The following CORO1C variants were observed in gnomAD, a reference collection of about 807,000 sequenced individuals.
CORO1C encodes the protein coronin-1C.
CORO1C carries 14 observed loss-of-function variants against 51.2 expected under a neutral mutation model. The ratio of observed to expected loss-of-function variants is 0.27; its 90% CI spans 0.18 to 0.43. The LOEUF (loss-of-function observed/expected upper bound fraction) is 0.43, where lower values mean the gene tolerates loss of function less well. Ranked by LOEUF, CORO1C falls within the 20% of genes least tolerant of loss-of-function variation. CORO1C has a pLI of 1.00. For missense variants in CORO1C, 417 were observed against 607.8 expected, an observed-to-expected ratio of 0.69 and a Z score of 3.30; for synonymous variants, 181 against 210.5, an observed-to-expected ratio of 0.86 and a Z score of 1.21.
chr12:108,664,015 A>T (rs959254537), intron 3 of CORO1C, among the ~76,000 whole-genome samples: 1 of 152,238 alleles, frequency 6.6e-6, no homozygotes, highest in Non-Finnish European at 1.5e-5. Context: ...TCAAAAGGTT[A>T]AGAAACAAAC....
rs377141389 is a variant in CORO1C, at chr12:108,714,157, G to A, written c.-5-12834C>T. 4.1e-4 allele frequency among the ~76,000 whole-genome samples: 63 copies of A among 152,200 alleles called. 1 individual carries two copies. In the East Asian group the frequency reaches 0.011, roughly 28 times the overall value. On this transcript the variant is annotated intron_variant, in intron 1 of 10. Transcript: ENST00000261401. ...TATAATCCCAGCACTTTGGGAGGCCGAGGTGGGCGGATCACGAAGTCAAGG... is the reference window on the plus strand; with the variant it reads ...TATAATCCCAGCACTTTGGGAGGCCAAGGTGGGCGGATCACGAAGTCAAGG...
Position 108,658,417 on chromosome 12 carries a change from T to A in CORO1C, c.630+321A>T, listed in dbSNP as rs2033117387. Among the ~76,000 whole-genome samples the A allele has an allele frequency of 6.6e-6, 1 of 152,142 alleles. No homozygotes were observed. The highest frequency in any genetic ancestry group is 2.4e-5 in the African/African-American group (1 of 41,432). ...GATTCATCAATATTCAATACTAAGCTGCAAAATCAGGAATGCAGCCAATTG... is the reference window on the plus strand; with the variant it reads ...GATTCATCAATATTCAATACTAAGCAGCAAAATCAGGAATGCAGCCAATTG... On this transcript the variant is annotated intron_variant, in intron 5 of 10. Coordinates refer to ENST00000261401, the MANE Select transcript of CORO1C (RefSeq NM_014325.4). This position sits in a 1 kb window ranked among gnomAD's most constrained non-coding sequence, Gnocchi z 4.9.
intron 3 of CORO1C, among the ~76,000 whole-genome samples, chr12:108,671,051 G>A (rs965878761): frequency 6.6e-6 from 1 of 151,944 alleles, no homozygotes; most frequent in African/African-American, 2.4e-5. Context: ...AAAGGTTTAG[G>A]GCCTGGCATG....
intron 8 of CORO1C, chr12:108,649,776 C>A (rs934690144): frequency 1.7e-4 from 26 of 152,240 alleles, no homozygotes; most frequent in African/African-American, 5.6e-4. Flanking sequence ...AAAAAAGTCT[C>A]TAAAGCTCCT....
At chr12:108,689,861 C>G (rs946410165) in intron 2 of CORO1C, among the ~76,000 whole-genome samples, 3 of 152,186 alleles carry the variant, frequency 2.0e-5, no homozygotes, top group Non-Finnish European at 4.4e-5. Flanking sequence ...TTCTTCAACT[C>G]AGCAAGGAGA....
chr12:108,648,483 A>AT, intron 10 of CORO1C, 122 bp downstream of exon 10: 6 of 1,347,426 alleles, frequency 4.5e-6, no homozygotes, highest in Middle Eastern at 5.3e-4. Flanking sequence ...CCACTTTTTC[A>AT]TTTACTGAAA....
At chr12:108,664,190 T>A (rs1266860055) in intron 3 of CORO1C, among the ~76,000 whole-genome samples, 3 of 152,194 alleles carry the variant, frequency 2.0e-5, no homozygotes, top group African/African-American at 7.2e-5. Context: ...AGAAAATGAT[T>A]TTGAGGAACT....
At chr12:108,718,269 C>A (rs2035388295) in intron 1 of CORO1C, among the ~76,000 whole-genome samples, 1 of 151,948 alleles carries the variant, frequency 6.6e-6, no homozygotes, top group South Asian at 2.1e-4. Context: ...AGGAGAATGG[C>A]ATGAACCCAG....
At chr12:108,695,301 A>T (rs1012774959) in intron 2 of CORO1C, among the ~76,000 whole-genome samples, 1 of 152,212 alleles carries the variant, frequency 6.6e-6, no homozygotes, top group Non-Finnish European at 1.5e-5. Flanking sequence ...CACTCCATCA[A>T]TTCCACCATA....
chr12:108,727,017 A>C (rs1042324279), intron 1 of CORO1C, among the ~76,000 whole-genome samples: 1 of 152,266 alleles, frequency 6.6e-6, no homozygotes, highest in African/African-American at 2.4e-5. Context: ...CAATAAAGAC[A>C]TTCATGATAA....
At chr12:108,714,887 G>C (rs547929566) in intron 1 of CORO1C, among the ~76,000 whole-genome samples, 2 of 152,270 alleles carry the variant, frequency 1.3e-5, no homozygotes, top group African/African-American at 4.8e-5. Context: ...TTCTTACAAA[G>C]AGACTTGGTT....
chr12:108,710,391 A>T (rs2035145806), intron 1 of CORO1C, among the ~76,000 whole-genome samples: 1 of 152,172 alleles, frequency 6.6e-6, no homozygotes, highest in South Asian at 2.1e-4. Context: ...TTCACTTTAA[A>T]AAGAAAAAAA....
At position 108,658,602 on chromosome 12, in the gene CORO1C, G is replaced by T; in HGVS notation, c.630+136C>A. On this transcript the variant is annotated intron_variant, in intron 5 of 10. Transcript: ENST00000261401. The surrounding 1 kb of genome is among the most constrained non-coding windows in gnomAD (Gnocchi z 4.9). ...ACTGGGGAGACAGAAGCCTTTATAA[G>T]CCTTCTCTTATTCACAGTTGGTGTC... 1 of 745,028 alleles carries T rather than the reference G, an allele frequency of 1.3e-6. No homozygotes were observed. Among genetic ancestry groups the T allele is most frequent in the Non-Finnish European group, 2.1e-6 (1 of 478,776 alleles). The allele number at this position is 745,028 out of a possible 1,614,324, so 46.2% of individuals were successfully genotyped here.
chr12:108,652,868 T>C (rs2032745479), intron 7 of CORO1C, among the ~76,000 whole-genome samples: 2 of 33,140 alleles, frequency 6.0e-5, no homozygotes, highest in South Asian at 3.5e-3. Flanking sequence ...TGATAAAAAG[T>C]GAGATTTTTC....
At chr12:108,663,800 G>A (rs2136815471) in intron 3 of CORO1C, among the ~76,000 whole-genome samples, 1 of 152,274 alleles carries the variant, frequency 6.6e-6, no homozygotes, top group East Asian at 1.9e-4. Context: ...TCAGTGAATT[G>A]TACATTTTAA....
rs1197175778 is a variant in CORO1C at position 108,645,364 on chromosome 12, G to A, written c.*2039C>T. On this transcript the variant is annotated 3_prime_UTR_variant, in exon 11 of 11. Transcript: ENST00000261401. The stretch of plus-strand genomic sequence containing the variant: ...ACTAAGATCAGGGTAACTTTCCCTT[G>A]CCCTCCTGCTTCTCTTTGAACCACA... The A allele has an allele frequency of 6.6e-6, 1 of 151,968 alleles. No individual in the cohort carries two copies. Among genetic ancestry groups the A allele is most frequent in the Non-Finnish European group, 1.5e-5 (1 of 68,018 alleles). 9.4% of individuals were successfully genotyped at this position (151,968 alleles called of 1,614,324 possible).
intron 2 of CORO1C, among the ~76,000 whole-genome samples, chr12:108,680,376 C>T (rs2034080814): frequency 6.6e-6 from 1 of 152,166 alleles, no homozygotes; most frequent in African/African-American, 2.4e-5. Context: ...CAGTTTGGAT[C>T]TTCCAAAACG....
intron 2 of CORO1C, among the ~76,000 whole-genome samples, chr12:108,691,098 G>T (rs1397958455): frequency 6.6e-6 from 1 of 151,980 alleles, no homozygotes; most frequent in Non-Finnish European, 1.5e-5. Flanking sequence ...CTTTTTTTGG[G>T]GGGTGGGAGG....
rs1010603079 is a variant in CORO1C at position 108,718,327 on chromosome 12, T to C, written c.-6+13102A>G. On this transcript the variant is annotated intron_variant, in intron 1 of 10. Transcript: ENST00000261401. Reference sequence around the variant, plus strand: ...AGCTTGCAGTGAGCTGAAATCGCACTACTGCACTCCAGCCTGGGCGACAAG... The same window carrying C: ...AGCTTGCAGTGAGCTGAAATCGCACCACTGCACTCCAGCCTGGGCGACAAG... Among the ~76,000 whole-genome samples the C allele has an allele frequency of 2.0e-5, 3 of 149,534 alleles. No homozygotes were observed. In the East Asian group the frequency reaches 5.9e-4, roughly 30 times the overall value.
Sources: gnomAD v4.1 joint callset for allele counts (sites outside exome capture counted in the v4.1 genomes callset) on GRCh38, gnomAD v4.1.1 for gene constraint, Gnocchi (gnomAD v3.1) non-coding constraint, MANE v1.5 for transcripts, NCBI Gene and HGNC (gene_info 2026-07-23, HGNC 2026-07-21) for gene names.